The following PTPRK variants were observed in gnomAD, a reference collection of about 807,000 sequenced individuals.
PTPRK encodes the protein receptor-type tyrosine-protein phosphatase kappa.
PTPRK carries 75 observed loss-of-function variants against 178.0 expected under a neutral mutation model. The observed-to-expected ratio is 0.42, with a 90% confidence interval of 0.35 to 0.51. The LOEUF is 0.51. PTPRK is among the 20% of genes least tolerant of loss of function. PTPRK has a pLI of 0.02. For synonymous variants in PTPRK, 637 were observed against 620.6 expected (o/e 1.03, Z -0.39); for missense variants, 1,441 against 1,797.8 (o/e 0.80, Z 3.59).
chr6:128,391,439 C>T (rs1286869817), intron 2 of PTPRK, among the ~76,000 whole-genome samples: 1 of 152,134 alleles, frequency 6.6e-6, no homozygotes, highest in Non-Finnish European at 1.5e-5. Context: ...TTCTCAATCT[C>T]GTAATACAAA....
chr6:128,382,262 G>C (rs1225872233), intron 2 of PTPRK, among the ~76,000 whole-genome samples: 1 of 151,370 alleles, frequency 6.6e-6, no homozygotes, highest in South Asian at 2.1e-4. Context: ...TGGAGATTCT[G>C]TGTGTAAAAA....
intron 3 of PTPRK, among the ~76,000 whole-genome samples, chr6:128,299,931 A>G (rs1357547246): frequency 1.3e-5 from 2 of 152,146 alleles, no homozygotes; most frequent in Non-Finnish European, 2.9e-5. Context: ...CAGAGTGAAC[A>G]GGCAACCTAC....
At chr6:128,190,506 T>A (rs967460721) in intron 6 of PTPRK, among the ~76,000 whole-genome samples, 3,152 of 138,518 alleles carry the variant, frequency 0.023, 224 homozygotes, top group African/African-American at 0.051. Flanking sequence ...TTTTTTTTTT[T>A]TTTTTTTTTT....
intron 2 of PTPRK, among the ~76,000 whole-genome samples, chr6:128,346,351 C>CT (rs1166990170): frequency 2.0e-5 from 3 of 151,876 alleles, no homozygotes; most frequent in Non-Finnish European, 2.9e-5. Flanking sequence ...GAGAAGCAGT[C>CT]TTTTTTGTGT....
At chr6:128,311,702 G>A (rs1171068127) in intron 3 of PTPRK, among the ~76,000 whole-genome samples, 1 of 152,022 alleles carries the variant, frequency 6.6e-6, no homozygotes, top group Non-Finnish European at 1.5e-5. Flanking sequence ...GTCTTGCTAT[G>A]TTGCTCAGGC....
intron 5 of PTPRK, among the ~76,000 whole-genome samples, chr6:128,223,171 C>T (rs1460546095): frequency 1.3e-5 from 2 of 151,678 alleles, no homozygotes; most frequent in Non-Finnish European, 2.9e-5. Context: ...ATTTTTTCCT[C>T]CATAATATTT....
intron 3 of PTPRK, among the ~76,000 whole-genome samples, chr6:128,314,173 T>A (rs1158698536): frequency 6.6e-6 from 1 of 152,222 alleles, no homozygotes; most frequent in Non-Finnish European, 1.5e-5. Flanking sequence ...CTAATGCAGT[T>A]TCTAAGACTT....
intron 1 of PTPRK, among the ~76,000 whole-genome samples, chr6:128,405,039 G>A (rs1223838783): frequency 3.9e-5 from 6 of 152,174 alleles, no homozygotes; most frequent in Admixed American, 3.9e-4. Flanking sequence ...TATGAGAATA[G>A]ACATGTGGTA....
intron 2 of PTPRK, among the ~76,000 whole-genome samples, chr6:128,346,304 G>T (rs1832426529): frequency 6.6e-6 from 1 of 151,948 alleles, no homozygotes; most frequent in African/African-American, 2.4e-5. Context: ...TTCAAAGAAG[G>T]TAAATTTAAA....
At chr6:128,179,460 CTTTAG>C (rs1394331452) in intron 7 of PTPRK, among the ~76,000 whole-genome samples, 1 of 151,766 alleles carries the variant, frequency 6.6e-6, no homozygotes, top group Admixed American at 6.6e-5. Flanking sequence ...GGCTTTTTAC[CTTTAG>C]TTTGTTTTTT....
At chr6:128,217,751 T>A (rs1404536894) in intron 6 of PTPRK, among the ~76,000 whole-genome samples, 1 of 151,998 alleles carries the variant, frequency 6.6e-6, no homozygotes, top group African/African-American at 2.4e-5. Flanking sequence ...TGACTCTACA[T>A]CCATACCCCT....
At chr6:128,118,556 T>C (rs1422998515) in intron 7 of PTPRK, among the ~76,000 whole-genome samples, 3 of 152,212 alleles carry the variant, frequency 2.0e-5, no homozygotes, top group South Asian at 2.1e-4. Context: ...GTGTTTATAA[T>C]GACCTCTGAA....
At chr6:128,205,403 T>A (rs1806742665) in intron 6 of PTPRK, among the ~76,000 whole-genome samples, 1 of 152,026 alleles carries the variant, frequency 6.6e-6, no homozygotes, top group African/African-American at 2.4e-5. Context: ...ATCCTGCACA[T>A]GTACCCCTGA....
At chr6:128,365,617 ATAG>A (rs1253476830) in intron 2 of PTPRK, among the ~76,000 whole-genome samples, 3 of 152,108 alleles carry the variant, frequency 2.0e-5, no homozygotes, top group Non-Finnish European at 4.4e-5. Context: ...CATGGTGTGC[ATAG>A]CTTCAGCTAA....
In PTPRK at chr6:127,981,350, G is replaced by T. The variant is rs1775318358; in HGVS notation, c.3538-61C>A. 5 of 1,401,708 alleles carry T rather than the reference G, an allele frequency of 3.6e-6. No homozygotes were observed. The South Asian group carries it at 4.1e-5, about 12-fold the overall frequency. The allele number at this position is 1,401,708 out of a possible 1,614,324, so 86.8% of individuals were successfully genotyped here. On this transcript the variant is annotated intron_variant, in intron 24 of 29. Transcript: ENST00000368226. ...GTGACCCATTTAACAGTATAACACAGATCCATCAGGAATTTAGAAGGCCAA... is the reference window on the plus strand; with the variant it reads ...GTGACCCATTTAACAGTATAACACATATCCATCAGGAATTTAGAAGGCCAA...
intron 2 of PTPRK, among the ~76,000 whole-genome samples, chr6:128,340,086 C>T (rs1456714398): frequency 2.6e-5 from 4 of 152,102 alleles, no homozygotes; most frequent in Non-Finnish European, 5.9e-5. Flanking sequence ...AAAGAAGACG[C>T]AGAAATCTAA....
rs117077061 is a variant in PTPRK, at chr6:128,123,533, T to C, written c.1163-33541A>G. Among the ~76,000 whole-genome samples the C allele has an allele frequency of 1.0e-3, 155 of 152,342 alleles. 2 individuals are homozygous for C. In the East Asian group the frequency reaches 0.026, roughly 25 times the overall value. On this transcript the variant is annotated intron_variant, in intron 7 of 29. Transcript: ENST00000368226. ...AGTACAAAGTTCCCATATATCCATA[T>C]AGCATTTCCTCTTACTAGCATTTTA...
At chr6:128,036,666 T>C (rs1776272266) in intron 13 of PTPRK, among the ~76,000 whole-genome samples, 2 of 151,480 alleles carry the variant, frequency 1.3e-5, no homozygotes, top group African/African-American at 4.8e-5. Flanking sequence ...ACATCAAAAA[T>C]TGTAAAGGAA....
At chr6:128,492,763 T>A (rs1352735254) in intron 1 of PTPRK, among the ~76,000 whole-genome samples, 8 of 152,182 alleles carry the variant, frequency 5.3e-5, no homozygotes, top group Admixed American at 5.2e-4. Flanking sequence ...TCTTAAGTTT[T>A]CTCTTCAGCT....
Sources: gnomAD v4.1 joint callset for allele counts (sites outside exome capture counted in the v4.1 genomes callset) on GRCh38, gnomAD v4.1.1 for gene constraint, MANE v1.5 for transcripts, NCBI Gene and HGNC (gene_info 2026-07-23, HGNC 2026-07-21) for gene names.